The following TPRG1 variants were observed in gnomAD, a reference collection of about 807,000 sequenced individuals.
TPRG1 encodes tumor protein p63-regulated gene 1 protein.
Under a neutral mutation model 29.3 loss-of-function variants are expected in TPRG1, and 29 were observed. That is an observed-to-expected ratio of 0.99 (90% CI 0.74 to 1.35). The LOEUF (loss-of-function observed/expected upper bound fraction) is 1.35. Among genes scored for constraint, TPRG1 ranks in the 40% most tolerant of loss-of-function variants. The probability of loss-of-function intolerance (pLI) is 0.00; values close to 1 mark genes in which losing one functional copy is unlikely to be tolerated. For missense variants in TPRG1, 327 were observed against 335.0 expected (o/e 0.98, Z 0.19); for synonymous variants, 130 against 116.8 (o/e 1.11, Z -0.73).
intron 4 of TPRG1, among the ~76,000 whole-genome samples, chr3:189,052,418 C>T (rs925982878): frequency 1.3e-5 from 2 of 152,048 alleles, no homozygotes; most frequent in African/African-American, 4.8e-5. Context: ...CGAGAATGGC[C>T]ATAATCAAGA....
At chr3:189,101,856 C>G (rs1003338432) in intron 1 of TPRG1, among the ~76,000 whole-genome samples, 2 of 151,720 alleles carry the variant, frequency 1.3e-5, no homozygotes, top group African/African-American at 4.8e-5. Context: ...GTACTCAGTA[C>G]TTGGTGTGCT....
chr3:189,108,808 G>GTAGC (rs887026543), intron 1 of TPRG1, among the ~76,000 whole-genome samples: 1 of 152,028 alleles, frequency 6.6e-6, no homozygotes, highest in African/African-American at 2.4e-5. Context: ...TGCAATAAAG[G>GTAGC]TAGCGCCTTT....
chr3:189,028,374 T>A (rs1713766337), intron 4 of TPRG1, among the ~76,000 whole-genome samples: 1 of 152,234 alleles, frequency 6.6e-6, no homozygotes, highest in Non-Finnish European at 1.5e-5. Flanking sequence ...CCACTGAAGA[T>A]GACCAATAGT....
intron 3 of TPRG1, among the ~76,000 whole-genome samples, chr3:189,237,249 A>G (rs1739637039): frequency 6.6e-6 from 1 of 152,082 alleles, no homozygotes; most frequent in African/African-American, 2.4e-5. Flanking sequence ...CCCAACAGAC[A>G]CAGTCTCTGC....
intron 4 of TPRG1, among the ~76,000 whole-genome samples, chr3:189,259,623 C>T (rs1168525624): frequency 6.6e-6 from 1 of 151,712 alleles, no homozygotes; most frequent in Admixed American, 6.6e-5. Context: ...TGTCTGCCAC[C>T]ACACCCTGAT....
At chr3:189,312,114 T>TCTCTC in intron 5 of TPRG1, among the ~76,000 whole-genome samples, 1 of 65,592 alleles carries the variant, frequency 1.5e-5, no homozygotes, top group South Asian at 4.1e-4. Context: ...TGTTTCTTTC[T>TCTCTC]TTGTTTCTTT....
intron 4 of TPRG1, among the ~76,000 whole-genome samples, chr3:189,059,088 G>A (rs1017155221): frequency 1.3e-5 from 2 of 152,060 alleles, no homozygotes; most frequent in Non-Finnish European, 2.9e-5. Flanking sequence ...GTGATATTGG[G>A]CAAGTTATTT....
At chr3:189,228,683 C>G (rs746998873) in intron 3 of TPRG1, among the ~76,000 whole-genome samples, 16 of 152,052 alleles carry the variant, frequency 1.1e-4, no homozygotes, top group Non-Finnish European at 1.8e-4. Flanking sequence ...ATTGTTCCCC[C>G]CTAAGATTTG....
chr3:189,130,310 T>C (rs976562002), intron 2 of TPRG1, among the ~76,000 whole-genome samples: 2 of 152,222 alleles, frequency 1.3e-5, no homozygotes, highest in Admixed American at 1.3e-4. Flanking sequence ...CATGATTCCT[T>C]TCTGCCTGGG....
At chr3:189,040,625 G>C (rs983030129) in intron 4 of TPRG1, among the ~76,000 whole-genome samples, 6 of 151,884 alleles carry the variant, frequency 4.0e-5, no homozygotes, top group Admixed American at 1.3e-4. Flanking sequence ...CCCTGATACT[G>C]GTGCTACTTC....
At chr3:189,194,246 G>C (rs1732177874) in intron 1 of TPRG1, among the ~76,000 whole-genome samples, 1 of 152,122 alleles carries the variant, frequency 6.6e-6, no homozygotes, top group Admixed American at 6.5e-5. Flanking sequence ...GGCCATGACA[G>C]CATAGGTTGT....
At chr3:189,246,237 C>T (rs1356377877) in intron 4 of TPRG1, among the ~76,000 whole-genome samples, 1 of 152,174 alleles carries the variant, frequency 6.6e-6, no homozygotes, top group Admixed American at 6.5e-5. Context: ...CGTCCCTTTG[C>T]TCCTCCTTCA....
chr3:189,024,306 G>C lies in TPRG1; in HGVS notation c.-463+360G>C, dbSNP rs183766407. Among the ~76,000 whole-genome samples, 118 of 152,290 alleles carry C rather than the reference G, an allele frequency of 7.7e-4. 1 individual carries two copies. Among genetic ancestry groups the C allele is most frequent in the African/African-American group, 2.7e-3 (112 of 41,568 alleles). On this transcript the variant is annotated intron_variant, in intron 4 of 10. Transcript: ENST00000433971. The stretch of plus-strand genomic sequence containing the variant: ...TCAACAAAACAGGCCAGCTCTGCTG[G>C]GGAACCGCCTCTGCCCTGATTCGTT...
At position 189,321,228 on chromosome 3, in the gene TPRG1, AG is replaced by A. The variant is rs1724289981; in HGVS notation, c.*409del. Reference sequence around the variant, plus strand: ...CTCTCATTGGGGTCTCACTGTCTCTAGTATTTTAGCTACCACTTGATAAGGA... The same window carrying A: ...CTCTCATTGGGGTCTCACTGTCTCTATATTTTAGCTACCACTTGATAAGGA... On this transcript the variant is annotated 3_prime_UTR_variant, in exon 6 of 6. Coordinates refer to ENST00000345063, the MANE Select transcript of TPRG1 (RefSeq NM_198485.4). The A allele has an allele frequency of 6.9e-6, 1 of 144,892 alleles. No homozygotes were observed. Among genetic ancestry groups the A allele is most frequent in the Non-Finnish European group, 1.5e-5 (1 of 68,338 alleles). The allele number at this position is 144,892 out of a possible 1,614,324, so 9.0% of individuals were successfully genotyped here. A position where few individuals can be genotyped will look rare whatever the true frequency, so the allele number is the denominator to read the frequency against.
At chr3:189,146,652 A>C (rs1725303970) in intron 3 of TPRG1, among the ~76,000 whole-genome samples, 1 of 152,206 alleles carries the variant, frequency 6.6e-6, no homozygotes, top group African/African-American at 2.4e-5. Flanking sequence ...AAGTTCCTTG[A>C]GGGCAGAGAC....
intron 4 of TPRG1, among the ~76,000 whole-genome samples, chr3:189,078,871 C>T (rs933642639): frequency 6.6e-6 from 1 of 152,118 alleles, no homozygotes; most frequent in Non-Finnish European, 1.5e-5. Flanking sequence ...TGTGTTATGA[C>T]TTAAGTAAAG....
At chr3:189,169,376 G>A (rs947664888), upstream of TPRG1, among the ~76,000 whole-genome samples, 17 of 152,058 alleles carry the variant, frequency 1.1e-4, no homozygotes, top group African/African-American at 3.6e-4. Context: ...TGTTGGCCAC[G>A]CTGGTCTTGA....
intron 5 of TPRG1, among the ~76,000 whole-genome samples, chr3:189,158,946 T>G (rs893493053): frequency 6.7e-6 from 1 of 150,026 alleles, no homozygotes; most frequent in African/African-American, 2.5e-5. Flanking sequence ...TTGTTTTTGT[T>G]TTTTTTGGTC....
At chr3:189,103,953 A>G (rs1719507897) in intron 1 of TPRG1, among the ~76,000 whole-genome samples, 1 of 152,192 alleles carries the variant, frequency 6.6e-6, no homozygotes, top group Non-Finnish European at 1.5e-5. Flanking sequence ...TTAGTCCCAT[A>G]TTCCAAAATA....
Sources: allele counts gnomAD v4.1 joint callset (sites outside exome capture counted in the v4.1 genomes callset), GRCh38; gene constraint gnomAD v4.1.1; transcripts MANE v1.5; gene names NCBI Gene and HGNC (gene_info 2026-07-23, HGNC 2026-07-21).